PICK1: variants seen among roughly 807,000 people sequenced by gnomAD.
PICK1 encodes the protein PRKCA-binding protein.
In PICK1, 23 loss-of-function variants were observed where a neutral mutation model predicts 48.9. The ratio of observed to expected loss-of-function variants is 0.47; its 90% confidence interval spans 0.34 to 0.67. PICK1 has a LOEUF of 0.67. PICK1 is among the 30% of genes least tolerant of loss of function. PICK1 has a pLI of 0.01. For synonymous variants in PICK1, 217 were observed against 228.2 expected (o/e 0.95, Z 0.44); for missense variants, 423 against 557.1 (o/e 0.76, Z 2.42).
rs369584662 is a variant in PICK1 at position 38,075,146 on chromosome 22, G to C, written c.*14G>C. 9.5e-5 allele frequency: 152 copies of C among 1,604,252 alleles called. No individual in the cohort carries two copies. The highest frequency in any genetic ancestry group is 5.7e-4 in the Admixed American group (34 of 59,726). On this transcript the variant is annotated 3_prime_UTR_variant, in exon 13 of 13. Coordinates refer to ENST00000356976, the MANE Select transcript of PICK1 (RefSeq NM_012407.4). ...TGTGACTCCTGAGTGCCCCGCGGCT[G>C]TGGTGCCGGGGGCAGGGTGCGTGGG...
chr22:38,070,587 G>T (rs2085654010), intron 6 of PICK1, among the ~76,000 whole-genome samples: 1 of 152,198 alleles, frequency 6.6e-6, no homozygotes, highest in Non-Finnish European at 1.5e-5. Context: ...CTGTCAGCAG[G>T]CTTTGTGTTA....
rs773151921 is a variant in PICK1, at chr22:38,074,925, C to A, written c.1041C>A (p.Asp347Glu). 1.2e-6 allele frequency: 2 copies of A among 1,613,680 alleles called. No individual in the cohort carries two copies. The highest frequency in any genetic ancestry group is 8.5e-7 in the Non-Finnish European group (1 of 1,180,034). Reference protein sequence around the residue: ...LVSTMSKYYNDCYAVLRDADV... With the variant: ...LVSTMSKYYNECYAVLRDADV... ...CCACCATGTCCAAGTACTACAACGA[C>A]TGCTACGCAGTGCTGCGGGATGCCG... Residue 347 changes from aspartate to glutamate, a missense_variant, in exon 13 of 13, where the codon GAC (aspartate) becomes GAA (glutamate). This residue lies in a region of PICK1 where 144 missense variants were observed against 139.3 expected (regional missense o/e 1.03). Coordinates refer to ENST00000356976, the MANE Select transcript of PICK1 (RefSeq NM_012407.4). This position sits in a 1 kb window ranked among gnomAD's most constrained non-coding sequence, Gnocchi z 4.5.
chr22:38,061,754 C>T (rs1323409960), intron 3 of PICK1, among the ~76,000 whole-genome samples: 1 of 152,152 alleles, frequency 6.6e-6, no homozygotes, highest in East Asian at 1.9e-4. Context: ...CTCTTGGGTT[C>T]AAGTGATCCA....
chr22:38,072,866 G>A lies in PICK1; in HGVS notation c.691-134G>A, dbSNP rs988960514. ...GCACTAGTCTTCTCATCCTTGAGAG[G>A]GACAAGGCATCAGGGAGCACCATCT... On this transcript the variant is annotated intron_variant, in intron 9 of 12. Coordinates refer to ENST00000356976, the MANE Select transcript of PICK1 (RefSeq NM_012407.4). 3 of 841,494 alleles carry A rather than the reference G, an allele frequency of 3.6e-6. No homozygotes were observed. In the African/African-American group the frequency reaches 5.0e-5, roughly 14 times the overall value. The allele number at this position is 841,494 out of a possible 1,614,324, so 52.1% of individuals were successfully genotyped here. A position where few individuals can be genotyped will look rare whatever the true frequency, so the allele number is the denominator to read the frequency against.
chr22:38,073,874 C>A lies in PICK1; in HGVS notation c.834+51C>A. 1 of 1,572,520 alleles carries A rather than the reference C, an allele frequency of 6.4e-7. No individual in the cohort carries two copies. The highest frequency in any genetic ancestry group is 8.7e-7 in the Non-Finnish European group (1 of 1,143,032). ...TTGTACTTCCCCCCACCTGGTCTGC[C>A]AGGGATAGCAGGTGGCTCAGGCCAA... On this transcript the variant is annotated intron_variant, in intron 11 of 12. Coordinates refer to ENST00000356976, the MANE Select transcript of PICK1 (RefSeq NM_012407.4). The surrounding 1 kb of genome is among the most constrained non-coding windows in gnomAD (Gnocchi z 5.7).
At chr22:38,067,841 C>A in intron 5 of PICK1, 71 bp downstream of exon 5, 2 of 1,234,022 alleles carry the variant, frequency 1.6e-6, no homozygotes, top group Non-Finnish European at 2.4e-6. Flanking sequence ...AGGAGAAGTG[C>A]CACAGCCAGC....
intron 4 of PICK1, among the ~76,000 whole-genome samples, chr22:38,065,871 G>C (rs1450576522): frequency 6.6e-6 from 1 of 152,112 alleles, no homozygotes; most frequent in African/African-American, 2.4e-5. Flanking sequence ...TGAAAGTCTC[G>C]GGGGCAAGGG....
chr22:38,069,817 A>T (rs1030680508), intron 6 of PICK1, among the ~76,000 whole-genome samples: 2 of 152,148 alleles, frequency 1.3e-5, no homozygotes, highest in African/African-American at 4.8e-5. Context: ...CCGTGCCTAT[A>T]AATCCCTGTT....
rs768374079 is a variant in PICK1, at chr22:38,074,328, C to T, written c.856C>T (p.Arg286Trp). 6.2e-7 allele frequency: 1 copy of T among 1,612,804 alleles called. No individual in the cohort carries two copies. Among genetic ancestry groups the T allele is most frequent in the Non-Finnish European group, 8.5e-7 (1 of 1,179,874 alleles). ...CCAGGCCCTAGGCGAGCCCCTTTAC[C>T]GGGTGAGCACCGGCAACTATGAGTA... ...SCIALGEPLY[R>W]VSTGNYEYRL... Residue 286 changes from arginine to tryptophan, a missense_variant, in exon 12 of 13, where the codon CGG (arginine) becomes TGG (tryptophan). By Grantham distance (101) the Arg-to-Trp change is moderately radical. Coordinates refer to ENST00000356976, the MANE Select transcript of PICK1 (RefSeq NM_012407.4). The surrounding 1 kb of genome is among the most constrained non-coding windows in gnomAD (Gnocchi z 4.5).
rs1002040547 is a variant in PICK1 at position 38,066,374 on chromosome 22, G to A, written c.282+1244G>A. Among the ~76,000 whole-genome samples the A allele has an allele frequency of 6.6e-6, 1 of 152,174 alleles. No homozygotes were observed. The highest frequency in any genetic ancestry group is 1.5e-5 in the Non-Finnish European group (1 of 68,022). The stretch of plus-strand genomic sequence containing the variant: ...TCTCCTCCCCATCTCCACTCGCCAG[G>A]TCCCTCCCTGTCCTCTCAGGCTTGG... On this transcript the variant is annotated intron_variant, in intron 4 of 12. Transcript: ENST00000356976. The surrounding 1 kb of genome is among the most constrained non-coding windows in gnomAD (Gnocchi z 4.1).
chr22:38,067,830 A>T, intron 5 of PICK1, 60 bp downstream of exon 5: 1 of 1,386,334 alleles, frequency 7.2e-7, no homozygotes, highest in Non-Finnish European at 1.0e-6. Flanking sequence ...CCCTGGCCCA[A>T]AGGAGAAGTG....
chr22:38,071,832 G>A (rs1000186760), intron 8 of PICK1, 88 bp downstream of exon 8: 78 of 1,168,850 alleles, frequency 6.7e-5, no homozygotes, highest in South Asian at 2.2e-4. Flanking sequence ...GACCCACAGC[G>A]CCTGACCTCA....
chr22:38,065,379 C>A (rs924796418), intron 4 of PICK1, among the ~76,000 whole-genome samples: 1 of 152,128 alleles, frequency 6.6e-6, no homozygotes, highest in African/African-American at 2.4e-5. Context: ...CCACAAGGTC[C>A]CCATGAGCTC....
chr22:38,071,553 G>A (rs116986102), intron 7 of PICK1, 129 bp from the exon 8 acceptor site: 11,420 of 841,088 alleles, frequency 0.014, 128 homozygotes, highest in Non-Finnish European at 0.017. Context: ...GTGGTTGGGC[G>A]GTGGGGAAAG....
rs909502426 is a variant in PICK1, at chr22:38,074,554, C to T, written c.979+103C>T. The stretch of plus-strand genomic sequence containing the variant: ...CCAGGCCACGGCCCAGATGTAAAGC[C>T]CCTCCAGGAGCCCAGCCATCTGCCC... On this transcript the variant is annotated intron_variant, in intron 12 of 12. Coordinates refer to ENST00000356976, the MANE Select transcript of PICK1 (RefSeq NM_012407.4). This position sits in a 1 kb window ranked among gnomAD's most constrained non-coding sequence, Gnocchi z 4.5. 10 of 1,481,588 alleles carry T rather than the reference C, an allele frequency of 6.7e-6. No homozygotes were observed. The African/African-American group carries it at 1.3e-4, about 19-fold the overall frequency. 91.8% of individuals were successfully genotyped at this position (1,481,588 alleles called of 1,614,324 possible).
rs1447448065 is a variant in PICK1, at chr22:38,075,347, TCCCTCCCCTCCCG to T, written c.*216_*228del. On this transcript the variant is annotated 3_prime_UTR_variant, in exon 13 of 13. Transcript: ENST00000356976. ...GACCTGGACACTGGCCCCTCCACCC[TCCCTCCCCTCCCG>T]GCTCCCCGGCCAGAGGGAGAGCTTG... 10 of 545,538 alleles carry T rather than the reference TCCCTCCCCTCCCG, an allele frequency of 1.8e-5. No individual in the cohort carries two copies. The African/African-American group carries it at 1.9e-4, about 10-fold the overall frequency. The allele number at this position is 545,538 out of a possible 1,614,324, so 33.8% of individuals were successfully genotyped here. A position where few individuals can be genotyped will look rare whatever the true frequency, so the allele number is the denominator to read the frequency against.
chr22:38,067,364 CA>C (rs1395907701), intron 4 of PICK1: 5 of 319,978 alleles, frequency 1.6e-5, no homozygotes, highest in Non-Finnish European at 3.0e-5. Flanking sequence ...GGCTGGAGTG[CA>C]ATGGTGTGAT....
intron 7 of PICK1, 25 bp downstream of exon 7, chr22:38,070,916 G>A (rs1391674066): frequency 6.2e-7 from 1 of 1,602,712 alleles, no homozygotes; most frequent in East Asian, 2.2e-5. Flanking sequence ...GCCTCGTCCT[G>A]GCACTAGCTC....
chr22:38,063,791 C>T (rs1168259668), intron 3 of PICK1, among the ~76,000 whole-genome samples: 1 of 151,856 alleles, frequency 6.6e-6, no homozygotes, highest in Non-Finnish European at 1.5e-5. Flanking sequence ...TACAGGCGTA[C>T]ACCACCATGC....
Sources: allele counts gnomAD v4.1 joint callset (sites outside exome capture counted in the v4.1 genomes callset), GRCh38; gene constraint gnomAD v4.1.1; regional missense constraint gnomAD v4.1.1; non-coding constraint Gnocchi (gnomAD v3.1); transcripts MANE v1.5; gene names NCBI Gene and HGNC (gene_info 2026-07-23, HGNC 2026-07-21).